The following IL1RAPL1 variants were observed in gnomAD, a reference collection of about 807,000 sequenced individuals.
The protein encoded by IL1RAPL1 is interleukin 1 receptor accessory protein like 1.
In IL1RAPL1, 3 loss-of-function variants were observed where a neutral mutation model predicts 48.4. The observed-to-expected ratio is 0.06, with a 90% CI of 0.03 to 0.16. The LOEUF is 0.16. Ranked by LOEUF, IL1RAPL1 falls within the 10% of genes least tolerant of loss-of-function variation. The pLI, the probability that IL1RAPL1 is intolerant of heterozygous loss-of-function variation, is 1.00. For synonymous variants in IL1RAPL1, 185 were observed against 187.7 expected (o/e 0.99, Z 0.12); for missense variants, 349 against 530.6 (o/e 0.66, Z 3.36).
intron 6 of IL1RAPL1, among the ~76,000 whole-genome samples, chrX:29,788,693 A>G (rs1929559949): frequency 8.9e-6 from 1 of 111,868 alleles, no homozygotes; most frequent in African/African-American, 3.2e-5. Context: ...ATATACATTC[A>G]ATTATTTGTA....
chrX:29,601,329 G>A (rs6526899), intron 5 of IL1RAPL1, among the ~76,000 whole-genome samples: 51,668 of 111,075 alleles, frequency 0.47, 10,289 homozygotes, highest in African/African-American at 0.78. Flanking sequence ...GATTGATATT[G>A]TATTAGTTGA....
chrX:29,141,502 A>G (rs1259507569), intron 2 of IL1RAPL1, among the ~76,000 whole-genome samples: 1 of 111,693 alleles, frequency 9.0e-6, no homozygotes, highest in Non-Finnish European at 1.9e-5. Context: ...TACCCTTAAT[A>G]TGTAGTTCTA....
At chrX:28,663,859 C>T (rs1400535490) in intron 1 of IL1RAPL1, among the ~76,000 whole-genome samples, 1 of 112,195 alleles carries the variant, frequency 8.9e-6, no homozygotes, top group Non-Finnish European at 1.9e-5. Context: ...AACTTGTTTT[C>T]TCCTCAAAAG....
intron 1 of IL1RAPL1, among the ~76,000 whole-genome samples, chrX:28,657,759 C>CT (rs1330745637): frequency 8.9e-6 from 1 of 111,978 alleles, no homozygotes; most frequent in East Asian, 2.8e-4. Context: ...AGAGACCCCC[C>CT]TCTAACCCTG....
chrX:29,341,483 T>C (rs1933074026), intron 3 of IL1RAPL1, among the ~76,000 whole-genome samples: 1 of 111,660 alleles, frequency 9.0e-6, no homozygotes, highest in Non-Finnish European at 1.9e-5. Flanking sequence ...AACAATTTAG[T>C]GTTGGAATGG....
intron 5 of IL1RAPL1, among the ~76,000 whole-genome samples, chrX:29,493,428 T>G (rs1935179762): frequency 1.8e-5 from 2 of 112,525 alleles, no homozygotes; most frequent in South Asian, 7.3e-4. Flanking sequence ...TGGAATTGTT[T>G]AATACATGAC....
chrX:29,127,258 A>G (rs1404845190), intron 2 of IL1RAPL1, among the ~76,000 whole-genome samples: 1 of 110,937 alleles, frequency 9.0e-6, no homozygotes, highest in East Asian at 2.8e-4. Context: ...CTCTAGAGAC[A>G]TCAGAATCAC....
chrX:29,261,660 C>G (rs183330070), intron 2 of IL1RAPL1, among the ~76,000 whole-genome samples: 13 of 111,054 alleles, frequency 1.2e-4, no homozygotes, highest in Non-Finnish European at 2.1e-4. Context: ...CTGCCCACCC[C>G]TCTAACAGAT....
intron 5 of IL1RAPL1, among the ~76,000 whole-genome samples, chrX:29,619,077 C>G (rs941508720): frequency 9.0e-5 from 10 of 111,598 alleles, no homozygotes; most frequent in African/African-American, 2.9e-4. Context: ...TTCTCTAGAA[C>G]CCTATTGAAT....
chrX:28,863,278 T>C (rs1921992786), intron 2 of IL1RAPL1, among the ~76,000 whole-genome samples: 1 of 110,891 alleles, frequency 9.0e-6, no homozygotes, highest in Non-Finnish European at 1.9e-5. Flanking sequence ...GCATAGTATC[T>C]CTTGCAACTA....
chrX:29,367,554 T>TTTC (rs1569296156), intron 3 of IL1RAPL1, among the ~76,000 whole-genome samples: 3 of 63,506 alleles, frequency 4.7e-5, no homozygotes, highest in Non-Finnish European at 8.8e-5. Flanking sequence ...CTATTTATTT[T>TTTC]TATTTATTTA....
chrX:28,886,753 T>C (rs1465316424), intron 2 of IL1RAPL1, among the ~76,000 whole-genome samples: 1 of 111,158 alleles, frequency 9.0e-6, no homozygotes, highest in Non-Finnish European at 1.9e-5. Context: ...TTATTATGCA[T>C]TTGACCACAG....
intron 5 of IL1RAPL1, among the ~76,000 whole-genome samples, chrX:29,637,078 A>G (rs1260453306): frequency 4.6e-5 from 5 of 108,769 alleles, no homozygotes; most frequent in Non-Finnish European, 7.6e-5. Flanking sequence ...AAATTTAGGA[A>G]CAGTCTGTCA....
chrX:29,605,463 T>A lies in IL1RAPL1; in HGVS notation c.704-62967T>A, dbSNP rs763992849. 7.2e-5 allele frequency among the ~76,000 whole-genome samples: 8 copies of A among 111,617 alleles called. No homozygotes were observed. The East Asian group carries it at 2.2e-3, about 31-fold the overall frequency. On this transcript the variant is annotated intron_variant, in intron 5 of 10. Transcript: ENST00000378993. Reference sequence around the variant, plus strand: ...ATTGAGTATTATTCACCTACATTTTTTTTTAATGTGCTTGTTTGGTTTTCC... The same window carrying A: ...ATTGAGTATTATTCACCTACATTTTATTTTAATGTGCTTGTTTGGTTTTCC...
chrX:29,051,593 G>A (rs1927094131), intron 2 of IL1RAPL1, among the ~76,000 whole-genome samples: 1 of 112,349 alleles, frequency 8.9e-6, no homozygotes, highest in Non-Finnish European at 1.9e-5. Flanking sequence ...GGATCACGTA[G>A]CAAGTGTCTT....
intron 2 of IL1RAPL1, among the ~76,000 whole-genome samples, chrX:28,853,806 G>T (rs768020679): frequency 8.9e-6 from 1 of 112,049 alleles, no homozygotes; most frequent in African/African-American, 3.2e-5. Context: ...AGAATTATAA[G>T]ATGTATAAAA....
intron 2 of IL1RAPL1, among the ~76,000 whole-genome samples, chrX:29,040,533 C>A (rs1158981090): frequency 1.8e-5 from 2 of 112,043 alleles, no homozygotes; most frequent in Admixed American, 9.5e-5. Flanking sequence ...ATTAATCCAC[C>A]AGTTTTCACC....
chrX:29,203,852 C>T (rs946276673), intron 2 of IL1RAPL1, among the ~76,000 whole-genome samples: 1 of 106,722 alleles, frequency 9.4e-6, no homozygotes, highest in African/African-American at 3.5e-5. Context: ...CATTTCCTCC[C>T]CCTCTCTCTA....
chrX:29,367,464 A>G (rs1471810335), intron 3 of IL1RAPL1, among the ~76,000 whole-genome samples: 1 of 112,105 alleles, frequency 8.9e-6, no homozygotes, highest in Non-Finnish European at 1.9e-5. Context: ...AGAATGAAAA[A>G]CAAAGTGTCT....
Sources: gnomAD v4.1 joint callset for allele counts (sites outside exome capture counted in the v4.1 genomes callset) on GRCh38, gnomAD v4.1.1 for gene constraint, MANE v1.5 for transcripts, NCBI Gene and HGNC (gene_info 2026-07-23, HGNC 2026-07-21) for gene names.